Variants in PDGFRA observed in about 807,000 individuals in gnomAD.
PDGFRA encodes platelet derived growth factor receptor alpha.
PDGFRA carries 25 observed loss-of-function variants against 121.5 expected under a neutral mutation model. The observed-to-expected ratio is 0.21, with a 90% CI of 0.15 to 0.29. The LOEUF (loss-of-function observed/expected upper bound fraction) is 0.29. Among genes scored for constraint, PDGFRA ranks in the 10% least tolerant of loss-of-function variants. PDGFRA has a pLI of 1.00. For missense variants in PDGFRA, 1,008 were observed against 1,345.1 expected (o/e 0.75, Z 3.92); for synonymous variants, 463 against 494.8 (o/e 0.94, Z 0.85).
At chr4:54,237,875 T>A (rs1721098880) in intron 1 of PDGFRA, among the ~76,000 whole-genome samples, 1 of 152,226 alleles carries the variant, frequency 6.6e-6, no homozygotes, top group African/African-American at 2.4e-5. Flanking sequence ...AACACTGACC[T>A]TCCCTTGAGA....
chr4:54,282,717 A>G (rs184232453), intron 16 of PDGFRA, among the ~76,000 whole-genome samples: 1 of 152,330 alleles, frequency 6.6e-6, no homozygotes. Flanking sequence ...AACTCATTCC[A>G]GCATCAACTC....
At chr4:54,233,183 G>A (rs941767129) in intron 1 of PDGFRA, among the ~76,000 whole-genome samples, 2 of 151,610 alleles carry the variant, frequency 1.3e-5, no homozygotes, top group African/African-American at 4.9e-5. Context: ...CGGCGCGCAG[G>A]GGCGCAGGGG....
chr4:54,229,501 A>C (rs1009928891), intron 1 of PDGFRA, 86 bp downstream of exon 1: 1 of 385,590 alleles, frequency 2.6e-6, no homozygotes, highest in South Asian at 1.4e-4. Context: ...GTAACTTCAA[A>C]CTTTGGGCGA....
intron 15 of PDGFRA, among the ~76,000 whole-genome samples, chr4:54,279,198 C>G (rs1723931801): frequency 6.6e-6 from 1 of 152,182 alleles, no homozygotes; most frequent in Non-Finnish European, 1.5e-5. Context: ...AATGGACTTA[C>G]AGGTCCATGG....
chr4:54,243,974 G>T (rs1721466574), intron 1 of PDGFRA, among the ~76,000 whole-genome samples: 1 of 152,226 alleles, frequency 6.6e-6, no homozygotes, highest in South Asian at 2.1e-4. Context: ...TAGCACAGCA[G>T]CCTGAGATCA....
At chr4:54,249,603 G>T (rs1459265720) in intron 1 of PDGFRA, among the ~76,000 whole-genome samples, 2 of 152,110 alleles carry the variant, frequency 1.3e-5, no homozygotes, top group Non-Finnish European at 2.9e-5. Context: ...CACGGACACA[G>T]GAAGGGGAAC....
At chr4:54,264,847 A>C (rs955664107) in intron 4 of PDGFRA, 72 bp from the exon 5 acceptor site, 8 of 1,455,486 alleles carry the variant, frequency 5.5e-6, no homozygotes, top group Admixed American at 2.1e-5. Context: ...AAAAAAAAAA[A>C]AAAACCCAAA....
chr4:54,232,740 A>G lies in PDGFRA; in HGVS notation c.-13+3325A>G, dbSNP rs113426001. Among the ~76,000 whole-genome samples the G allele has an allele frequency of 2.2e-4, 33 of 152,304 alleles. 1 individual carries two copies. The highest frequency in any genetic ancestry group is 5.5e-4 in the African/African-American group (23 of 41,582). ...ACTGGGATTACAGGTGCCCGCCACC[A>G]CGCCAGGCTAATTTTTGTATTTTTA... On this transcript the variant is annotated intron_variant, in intron 1 of 22. Transcript: ENST00000257290.
intron 7 of PDGFRA, among the ~76,000 whole-genome samples, chr4:54,269,014 T>C (rs1020075466): frequency 1.3e-5 from 2 of 152,002 alleles, no homozygotes; most frequent in Non-Finnish European, 2.9e-5. Context: ...ACATGGTAGA[T>C]GGGGGATCTG....
At chr4:54,251,489 T>C (rs1722053523) in intron 1 of PDGFRA, among the ~76,000 whole-genome samples, 1 of 152,244 alleles carries the variant, frequency 6.6e-6, no homozygotes, top group African/African-American at 2.4e-5. Flanking sequence ...GAATCTTTTC[T>C]TTTGTAATAG....
intron 7 of PDGFRA, among the ~76,000 whole-genome samples, chr4:54,270,412 TC>T (rs1215841503): frequency 2.0e-5 from 3 of 152,224 alleles, no homozygotes; most frequent in Non-Finnish European, 2.9e-5. Context: ...ATTGCTCATC[TC>T]TGAATGTCTG....
intron 2 of PDGFRA, 97 bp from the exon 3 acceptor site, chr4:54,260,998 A>G: frequency 9.2e-7 from 1 of 1,088,032 alleles, no homozygotes. Context: ...AGAAATGGTC[A>G]TTGTTCATCT....
Position 54,273,683 on chromosome 4 carries a change from A to C in PDGFRA, c.1511A>C (p.Lys504Thr). 1 of 1,614,088 alleles carries C rather than the reference A, an allele frequency of 6.2e-7. No individual in the cohort carries two copies. The highest frequency in any genetic ancestry group is 8.5e-7 in the Non-Finnish European group (1 of 1,180,042). ...ACCATCGCCGTGCGATGCCTGGCTA[A>C]GAATCTCCTTGGAGCTGAGAACCGA... ...EETIAVRCLA[K>T]NLLGAENREL... Residue 504 changes from lysine (K) to threonine (T), a missense_variant, in exon 10 of 23, where the codon AAG becomes ACG. This residue lies in a region of PDGFRA where 575 missense variants were observed against 701.8 expected (regional missense o/e 0.82). Coordinates refer to ENST00000257290, the MANE Select transcript of PDGFRA (RefSeq NM_006206.6).
rs1681608240 is a variant in PDGFRA at position 54,272,280 on chromosome 4, T to C, written c.1238-114T>C. 3 of 1,095,956 alleles carry C rather than the reference T, an allele frequency of 2.7e-6. No individual in the cohort carries two copies. In the African/African-American group the frequency reaches 4.6e-5, roughly 17 times the overall value. The allele number at this position is 1,095,956 out of a possible 1,614,324, so 67.9% of individuals were successfully genotyped here. ...TACTTGTACAACTGGTTTCAGCCCC[T>C]CCGGAGTGTTTTGAATGCCATGTAG... On this transcript the variant is annotated intron_variant, in intron 8 of 22. Transcript: ENST00000257290.
Position 54,296,270 on chromosome 4 carries a change from C to G in PDGFRA, c.*998C>G, listed in dbSNP as rs1006360272. On this transcript the variant is annotated 3_prime_UTR_variant, in exon 23 of 23. Transcript: ENST00000257290. ...ACAAAACTCTTAAGTCCTAAAAGTT[C>G]TCAATGTAGAGGCATAAACCTGTGC... 4.3e-6 allele frequency: 1 copy of G among 232,584 alleles called. No individual in the cohort carries two copies. Among genetic ancestry groups the G allele is most frequent in the Non-Finnish European group, 8.5e-6 (1 of 117,834 alleles). The allele number at this position is 232,584 out of a possible 1,614,324, so 14.4% of individuals were successfully genotyped here. A position where few individuals can be genotyped will look rare whatever the true frequency, so the allele number is the denominator to read the frequency against.
chr4:54,293,792 C>T (rs11931828), intron 22 of PDGFRA, among the ~76,000 whole-genome samples: 151,880 of 152,272 alleles, frequency 1, 75,746 homozygotes, highest in Middle Eastern at 1. Context: ...GAATCACTGG[C>T]TGACGTGGTC....
Position 54,270,907 on chromosome 4 carries a change from T to C in PDGFRA, c.1237+159T>C, listed in dbSNP as rs576723864. ...ATCGGGAATACCTCTGCTGGACTCA[T>C]GAATTCAGGTATTTCTGGGAGGTTC... On this transcript the variant is annotated intron_variant, in intron 8 of 22. Transcript: ENST00000257290. Among the ~76,000 whole-genome samples, 4 of 152,302 alleles carry C rather than the reference T, an allele frequency of 2.6e-5. No homozygotes were observed. The South Asian group carries it at 6.2e-4, about 24-fold the overall frequency.
intron 1 of PDGFRA, among the ~76,000 whole-genome samples, chr4:54,239,640 C>T (rs1256180953): frequency 6.6e-6 from 1 of 152,130 alleles, no homozygotes; most frequent in Non-Finnish European, 1.5e-5. Context: ...ATTTTGGCTC[C>T]TTTGTCCTTC....
At chr4:54,258,346 G>A (rs1226433682) in intron 1 of PDGFRA, among the ~76,000 whole-genome samples, 3 of 151,996 alleles carry the variant, frequency 2.0e-5, no homozygotes, top group African/African-American at 7.3e-5. Context: ...GAAATATTAA[G>A]GTATTTACCC....
Sources: allele counts gnomAD v4.1 joint callset (sites outside exome capture counted in the v4.1 genomes callset), GRCh38; gene constraint gnomAD v4.1.1; regional missense constraint gnomAD v4.1.1; transcripts MANE v1.5; gene names NCBI Gene and HGNC (gene_info 2026-07-23, HGNC 2026-07-21).